The following MELK variants were observed in gnomAD, a reference collection of about 807,000 sequenced individuals.
MELK encodes the protein maternal embryonic leucine zipper kinase.
A neutral mutation model predicts 85.0 loss-of-function variants in MELK; 81 were observed. The ratio of observed to expected loss-of-function variants is 0.95; its 90% CI spans 0.80 to 1.15. The LOEUF (loss-of-function observed/expected upper bound fraction) is 1.15. Among genes scored for constraint, MELK ranks in the 50% most tolerant of loss-of-function variants. The pLI is 0.00. For synonymous variants in MELK, 252 were observed against 265.0 expected (o/e 0.95, Z 0.48); for missense variants, 754 against 777.5 (o/e 0.97, Z 0.36).
intron 16 of MELK, 56 bp downstream of exon 16, chr9:36,671,222 CTTT>C: frequency 1.7e-6 from 2 of 1,173,922 alleles, no homozygotes; most frequent in South Asian, 2.1e-5. Context: ...AATGGACTGC[CTTT>C]TTTTTTTAAG....
chr9:36,599,050 C>T (rs1295268096), intron 6 of MELK, among the ~76,000 whole-genome samples: 1 of 152,264 alleles, frequency 6.6e-6, no homozygotes, highest in South Asian at 2.1e-4. Flanking sequence ...AATCCCGGCA[C>T]TTTGGGAGGC....
chr9:36,651,911 G>A, intron 12 of MELK, 34 bp downstream of exon 12: 2 of 1,598,476 alleles, frequency 1.3e-6, no homozygotes, highest in Non-Finnish European at 1.7e-6. Flanking sequence ...CTTGCCACGT[G>A]CCCTCCCTGT....
chr9:36,641,512 G>A (rs559452021), intron 10 of MELK, among the ~76,000 whole-genome samples: 1 of 152,110 alleles, frequency 6.6e-6, no homozygotes, highest in African/African-American at 2.4e-5. Context: ...GGAGGGAGAT[G>A]CTAACCATTC....
intron 11 of MELK, among the ~76,000 whole-genome samples, 184 bp downstream of exon 11, chr9:36,643,267 C>T (rs1829926135): frequency 1.3e-5 from 2 of 152,162 alleles, no homozygotes; most frequent in Admixed American, 6.5e-5. Context: ...CCTGTAATCC[C>T]AGCTACTTGG....
chr9:36,591,304 G>A (rs1823534229), intron 4 of MELK, among the ~76,000 whole-genome samples: 2 of 152,088 alleles, frequency 1.3e-5, no homozygotes, highest in Non-Finnish European at 2.9e-5. Context: ...CAGGCGCAGG[G>A]GGTCACGCTT....
chr9:36,630,452 A>G (rs113976950), intron 9 of MELK, 85 bp downstream of exon 9: 2 of 1,096,790 alleles, frequency 1.8e-6, no homozygotes, highest in South Asian at 1.3e-5. Flanking sequence ...ATCATTTCCT[A>G]TTAGCTTGAA....
At chr9:36,604,646 C>T (rs1825298795) in intron 7 of MELK, among the ~76,000 whole-genome samples, 1 of 151,362 alleles carries the variant, frequency 6.6e-6, no homozygotes, top group Non-Finnish European at 1.5e-5. Flanking sequence ...AGCCACCATG[C>T]CTGACCCTTT....
chr9:36,658,967 C>T (rs987610127), intron 13 of MELK, among the ~76,000 whole-genome samples: 1 of 150,948 alleles, frequency 6.6e-6, no homozygotes, highest in Non-Finnish European at 1.5e-5. Context: ...CTGCAAGCTC[C>T]GCCTCCTGGG....
At chr9:36,574,324 C>CT (rs1213985940) in intron 1 of MELK, among the ~76,000 whole-genome samples, 2 of 151,040 alleles carry the variant, frequency 1.3e-5, no homozygotes, top group African/African-American at 4.9e-5. Context: ...GTGGCTCACG[C>CT]TTGTAATCCC....
Position 36,594,762 on chromosome 9 carries a change from C to A in MELK, c.396C>A (p.Asp132Glu). 1.2e-6 allele frequency: 2 copies of A among 1,613,054 alleles called. No individual in the cohort carries two copies. The highest frequency in any genetic ancestry group is 1.7e-6 in the Non-Finnish European group (2 of 1,179,692). ...YVHSQGYAHRDLKPENLLFDE... is the reference protein window; with the variant it reads ...YVHSQGYAHRELKPENLLFDE... ...ACAGCCAGGGCTATGCTCACAGGGA[C>A]CTCAAGCCAGTAAGTGACTGCATCA... The change falls in exon 5 of 18, where the codon GAC becomes GAA. Residue 132 changes from aspartate (D) to glutamate (E), a missense_variant. Asp to Glu is a conservative substitution (Grantham distance 45, BLOSUM62 2). Transcript: ENST00000298048.
intron 5 of MELK, among the ~76,000 whole-genome samples, chr9:36,596,917 C>G (rs549705488): frequency 1.4e-3 from 220 of 152,218 alleles, no homozygotes; most frequent in Non-Finnish European, 2.1e-3. Flanking sequence ...CTTGTCATTT[C>G]GTTAGTTTCT....
At chr9:36,590,071 A>G (rs1486707439) in intron 4 of MELK, among the ~76,000 whole-genome samples, 1 of 151,614 alleles carries the variant, frequency 6.6e-6, no homozygotes, top group Non-Finnish European at 1.5e-5. Flanking sequence ...ACAGGCGCCC[A>G]CCACCATGCC....
Position 36,665,557 on chromosome 9 carries a change from A to T in MELK, c.1384A>T (p.Asn462Tyr). The T allele has an allele frequency of 6.2e-7, 1 of 1,613,162 alleles. No individual in the cohort carries two copies. ...TAAGAGAGAAATACTCACTACGCCA[A>T]ATCGTTACACTACACCCTCAAAAGG... ...QHKREILTTP[N>Y]RYTTPSKARN... Residue 462 changes from asparagine (N) to tyrosine (Y), a missense_variant, in exon 14 of 18, where the codon AAT (asparagine) becomes TAT (tyrosine). Physicochemically the swap from Asn to Tyr is moderately radical, Grantham distance 143. Transcript: ENST00000298048.
At chr9:36,599,569 G>A (rs772470365) in intron 7 of MELK, 83 bp downstream of exon 7, 32 of 900,372 alleles carry the variant, frequency 3.6e-5, no homozygotes, top group African/African-American at 2.8e-4. Flanking sequence ...CTGTGCGTTG[G>A]GGGTATAATG....
chr9:36,640,491 G>T (rs956099597), intron 10 of MELK, among the ~76,000 whole-genome samples: 5 of 151,946 alleles, frequency 3.3e-5, no homozygotes, highest in African/African-American at 1.2e-4. Context: ...CTTTTACCTG[G>T]GCTGGAGTGC....
chr9:36,585,994 T>C (rs1822858471), intron 3 of MELK, among the ~76,000 whole-genome samples: 1 of 152,134 alleles, frequency 6.6e-6, no homozygotes. Context: ...TTAATATTAA[T>C]TGTTACCTAC....
chr9:36,576,404 T>G (rs1209824703), intron 1 of MELK, among the ~76,000 whole-genome samples: 2 of 152,232 alleles, frequency 1.3e-5, no homozygotes, highest in African/African-American at 4.8e-5. Flanking sequence ...GTTATCTTTT[T>G]GTGTGCTATT....
Position 36,659,580 on chromosome 9 carries a change from A to G in MELK, c.1176+2217A>G, listed in dbSNP as rs576774487. Reference sequence around the variant, plus strand: ...TTTTACTATACCTTTTCTCTGCTCAATTAGCATAGTGATCAGCTAATGCTT... The same window carrying G: ...TTTTACTATACCTTTTCTCTGCTCAGTTAGCATAGTGATCAGCTAATGCTT... On this transcript the variant is annotated intron_variant, in intron 13 of 17. Coordinates refer to ENST00000298048, the MANE Select transcript of MELK (RefSeq NM_014791.4). 1.2e-4 allele frequency among the ~76,000 whole-genome samples: 19 copies of G among 152,306 alleles called. No individual in the cohort carries two copies. The East Asian group carries it at 2.1e-3, about 17-fold the overall frequency.
chr9:36,668,299 A>G (rs1832571070), intron 14 of MELK, among the ~76,000 whole-genome samples: 1 of 152,170 alleles, frequency 6.6e-6, no homozygotes, highest in Non-Finnish European at 1.5e-5. Flanking sequence ...AACAAAACCA[A>G]GCCCCTAATC....
Sources: gnomAD v4.1 joint callset for allele counts (sites outside exome capture counted in the v4.1 genomes callset) on GRCh38, gnomAD v4.1.1 for gene constraint, MANE v1.5 for transcripts, NCBI Gene and HGNC (gene_info 2026-07-23, HGNC 2026-07-21) for gene names.